The following TRIM48 variants were observed in gnomAD, a reference collection of about 807,000 sequenced individuals.
TRIM48 encodes E3 ubiquitin-protein ligase TRIM48.
In TRIM48, 31 loss-of-function variants were observed where a neutral mutation model predicts 29.5. The observed-to-expected ratio is 1.05, with a 90% CI of 0.79 to 1.42. The LOEUF (loss-of-function observed/expected upper bound fraction) is 1.42. Ranked by LOEUF, TRIM48 falls within the 40% of genes most tolerant of loss-of-function variation. The pLI is 0.00. For missense variants in TRIM48, 344 were observed against 265.0 expected, an observed-to-expected ratio of 1.30 and a Z score of -2.07; for synonymous variants, 128 against 90.6, an observed-to-expected ratio of 1.41 and a Z score of -2.34.
chr11:55,264,995 G>T lies in TRIM48; in HGVS notation c.140G>T (p.Gly47Val). 2 of 1,584,472 alleles carry T rather than the reference G, an allele frequency of 1.3e-6. No individual in the cohort carries two copies. The highest frequency in any genetic ancestry group is 8.6e-7 in the Non-Finnish European group (1 of 1,166,400). ...YFIDPVTIDC[G>V]HSFCRPCFYL... ...ATAGACCCGGTCACCATAGACTGTG[G>T]GCACAGCTTTTGCAGGCCCTGTTTC... Residue 47 changes from glycine to valine, a missense_variant, in exon 2 of 6, where the codon GGG becomes GTG. Gly to Val is a moderately radical substitution (Grantham distance 109, BLOSUM62 -3). Transcript: ENST00000417545.
rs1857311851 is a variant in TRIM48 at position 55,262,204 on chromosome 11, T to C, written c.-64T>C. On this transcript the variant is annotated 5_prime_UTR_variant, in exon 1 of 6. Transcript: ENST00000417545. ...GCACTTAGAGGGAGCTGTGTTTTGG[T>C]GACCTCTGAAACTCAGTACTGCAGC... is the stretch of plus-strand genomic sequence containing the variant. The C allele has an allele frequency of 5.3e-6, 7 of 1,331,986 alleles. No homozygotes were observed. Among genetic ancestry groups the C allele is most frequent in the Non-Finnish European group, 7.4e-6 (7 of 948,628 alleles). The allele number at this position is 1,331,986 out of a possible 1,614,324, so 82.5% of individuals were successfully genotyped here.
rs1316409054 is a variant in TRIM48, at chr11:55,266,713, G to A, written c.555+1018G>A. 1.4e-5 allele frequency among the ~76,000 whole-genome samples: 2 copies of A among 147,522 alleles called. 1 individual carries two copies. Among genetic ancestry groups the A allele is most frequent in the African/African-American group, 5.0e-5 (2 of 40,358 alleles). On this transcript the variant is annotated intron_variant, in intron 3 of 5. Coordinates refer to ENST00000417545, the MANE Select transcript of TRIM48 (RefSeq NM_024114.5). ...AACAAAGTTTCAAAGAGGAAGGGGA[G>A]CACAAAAGTGTGTATGGATATATAT...
chr11:55,269,195 T>C (rs1475692755), intron 4 of TRIM48, 47 bp from the exon 5 acceptor site: 5 of 1,555,872 alleles, frequency 3.2e-6, no homozygotes, highest in Non-Finnish European at 4.3e-6. Context: ...GTGATTTTTA[T>C]TTATTTTATG....
chr11:55,262,176 A>C lies in TRIM48; in HGVS notation c.-92A>C. On this transcript the variant is annotated 5_prime_UTR_variant, in exon 1 of 6. Coordinates refer to ENST00000417545, the MANE Select transcript of TRIM48 (RefSeq NM_024114.5). ...GCTCAGTTTTCTCCAAAGGAGAAGG[A>C]GTGCACTTAGAGGGAGCTGTGTTTT... 9 of 923,610 alleles carry C rather than the reference A, an allele frequency of 9.7e-6. No individual in the cohort carries two copies. The highest frequency in any genetic ancestry group is 1.6e-5 in the Non-Finnish European group (9 of 576,840). The allele number at this position is 923,610 out of a possible 1,614,324, so 57.2% of individuals were successfully genotyped here.
chr11:55,269,217 T>A (rs1857438464), intron 4 of TRIM48, 25 bp from the exon 5 acceptor site: 1 of 1,569,280 alleles, frequency 6.4e-7, no homozygotes, highest in Non-Finnish European at 8.6e-7. Flanking sequence ...CTGTAGATGT[T>A]GTAACTGCAG....
intron 1 of TRIM48, among the ~76,000 whole-genome samples, chr11:55,262,962 T>C (rs1007782922): frequency 1.3e-5 from 2 of 152,152 alleles, no homozygotes; most frequent in African/African-American, 4.8e-5. Context: ...TTCACTAAAA[T>C]TCAGCAGCGT....
chr11:55,269,464 T>A, intron 5 of TRIM48, 125 bp downstream of exon 5: 2 of 1,278,998 alleles, frequency 1.6e-6, no homozygotes, highest in Non-Finnish European at 2.1e-6. Context: ...AACAATATAA[T>A]CATGCAACCC....
intron 2 of TRIM48, 52 bp from the exon 3 acceptor site, chr11:55,265,548 G>C: frequency 6.4e-7 from 1 of 1,557,682 alleles, no homozygotes; most frequent in Non-Finnish European, 8.7e-7. Flanking sequence ...GAAACGGTCT[G>C]TATGTTACTT....
rs1310229361 is a variant in TRIM48, at chr11:55,268,769, T to C, written c.578+397T>C. Reference sequence around the variant, plus strand: ...CAGTTAACAGTTCCGAAAAATAGATTGAAAAAACTATGGAGTGTTAGAACT... The same window carrying C: ...CAGTTAACAGTTCCGAAAAATAGATCGAAAAAACTATGGAGTGTTAGAACT... On this transcript the variant is annotated intron_variant, in intron 4 of 5. Transcript: ENST00000417545. Among the ~76,000 whole-genome samples, 2 of 147,626 alleles carry C rather than the reference T, an allele frequency of 1.4e-5. 1 individual carries two copies. Among genetic ancestry groups the C allele is most frequent in the Admixed American group, 1.4e-4 (2 of 14,566 alleles).
rs1857456022 is a variant in TRIM48, at chr11:55,270,005, AT to A, written c.*2-427del. Among the ~76,000 whole-genome samples, 6 of 147,928 alleles carry A rather than the reference AT, an allele frequency of 4.1e-5. 1 individual carries two copies. Among genetic ancestry groups the A allele is most frequent in the African/African-American group, 1.5e-4 (6 of 40,488 alleles). On this transcript the variant is annotated intron_variant, in intron 5 of 5. Transcript: ENST00000417545. ...GATCACTTATGACATGTACTTATGG[AT>A]TTTTATCCAGTTATCTAGAGCAGTT...
Position 55,265,059 on chromosome 11 carries a change from C to T in TRIM48, c.204C>T (p.Cys68=), listed in dbSNP as rs1423353892. Residue 68 remains cysteine (C), a synonymous_variant, in exon 2 of 6, where the codon TGC becomes TGT. Transcript: ENST00000417545. ...AAGACATCCCAATTCTTACTCAGTG[C>T]TTTGAATGCATAAAGACAATACAGC... ...NWQDIPILTQ[C]FECIKTIQQR... 4.4e-6 allele frequency: 7 copies of T among 1,583,772 alleles called. 1 individual carries two copies. Among genetic ancestry groups the T allele is most frequent in the Non-Finnish European group, 6.0e-6 (7 of 1,166,202 alleles).
chr11:55,263,592 G>T (rs540863348), intron 1 of TRIM48, among the ~76,000 whole-genome samples: 1 of 152,240 alleles, frequency 6.6e-6, no homozygotes, highest in South Asian at 2.1e-4. Flanking sequence ...GACCCAGGAG[G>T]TGGAGGTTGC....
chr11:55,265,242 G>T lies in TRIM48; in HGVS notation c.387G>T (p.Leu129Phe), dbSNP rs1196251509. Residue 129 changes from leucine (L) to phenylalanine (F), a missense_variant, in exon 2 of 6, where the codon TTG becomes TTT. Leu to Phe is a conservative substitution (Grantham distance 22). Transcript: ENST00000417545. ...FCEVDRSLLC[L>F]LCSSSQEHRY... ...AAGTGGACAGGAGCCTGCTCTGTTT[G>T]CTGTGCTCCAGCTCTCAGGAGCACC... 5.1e-6 allele frequency: 8 copies of T among 1,582,486 alleles called. 1 individual carries two copies. The African/African-American group carries it at 5.4e-5, about 11-fold the overall frequency.
At chr11:55,262,602 T>TACACATA (rs1857321108) in intron 1 of TRIM48, among the ~76,000 whole-genome samples, 2 of 152,214 alleles carry the variant, frequency 1.3e-5, no homozygotes, top group Admixed American at 1.3e-4. Flanking sequence ...TACACATAGG[T>TACACATA]GTGTGTAAAT....
chr11:55,267,139 T>G (rs1475549724), intron 3 of TRIM48, among the ~76,000 whole-genome samples: 1 of 147,804 alleles, frequency 6.8e-6, no homozygotes, highest in Non-Finnish European at 1.5e-5. Context: ...TAAATGTGGG[T>G]TGGAATAGAG....
At chr11:55,263,140 A>T (rs548471301) in intron 1 of TRIM48, among the ~76,000 whole-genome samples, 3 of 152,268 alleles carry the variant, frequency 2.0e-5, no homozygotes, top group African/African-American at 7.2e-5. Flanking sequence ...TGGTGGTCAC[A>T]TAAGATTATA....
intron 3 of TRIM48, among the ~76,000 whole-genome samples, chr11:55,266,621 C>CT (rs1225140936): frequency 1.4e-5 from 2 of 147,342 alleles, no homozygotes; most frequent in Non-Finnish European, 3.0e-5. Flanking sequence ...AGGCCAGAAA[C>CT]TGGAGATTAG....
At chr11:55,269,032 C>G (rs61894892) in intron 4 of TRIM48, among the ~76,000 whole-genome samples, 6,864 of 148,164 alleles carry the variant, frequency 0.046, 785 homozygotes, top group Non-Finnish European at 0.07. Flanking sequence ...AAATAAGAAA[C>G]ATCAGACTGA....
Position 55,270,485 on chromosome 11 carries a change from G to A in TRIM48, c.*50G>A. On this transcript the variant is annotated 3_prime_UTR_variant, in exon 6 of 6. Transcript: ENST00000417545. The stretch of plus-strand genomic sequence containing the variant: ...GAAGCCAACAGTCATATCTTCCGAT[G>A]TGGAGATTTGAGAAGCATTTGTATT... 1.9e-6 allele frequency: 3 copies of A among 1,565,156 alleles called. No homozygotes were observed. Among genetic ancestry groups the A allele is most frequent in the Non-Finnish European group, 2.6e-6 (3 of 1,152,546 alleles).
Sources: allele counts gnomAD v4.1 joint callset (sites outside exome capture counted in the v4.1 genomes callset), GRCh38; gene constraint gnomAD v4.1.1; transcripts MANE v1.5; gene names NCBI Gene and HGNC (gene_info 2026-07-23, HGNC 2026-07-21).